The following RNF216 variants were observed in gnomAD, a reference collection of about 807,000 sequenced individuals.
RNF216 encodes ring finger protein 216.
Under a neutral mutation model 110.8 loss-of-function variants are expected in RNF216, and 72 were observed. The ratio of observed to expected loss-of-function variants is 0.65; its 90% CI spans 0.54 to 0.79. The LOEUF (loss-of-function observed/expected upper bound fraction) is 0.79. Ranked by LOEUF, RNF216 falls within the 30% of genes least tolerant of loss-of-function variation. RNF216 has a pLI of 0.00. For synonymous variants in RNF216, 495 were observed against 407.5 expected (o/e 1.21, Z -2.59); for missense variants, 1,342 against 1,141.2 (o/e 1.18, Z -2.54).
At chr7:5,701,951 T>G (rs1791996325) in intron 13 of RNF216, among the ~76,000 whole-genome samples, 1 of 152,202 alleles carries the variant, frequency 6.6e-6, no homozygotes, top group Non-Finnish European at 1.5e-5. Flanking sequence ...GTGGAAACAC[T>G]AACCCAGGAA....
At chr7:5,771,044 G>C (rs1031793722) in intron 1 of RNF216, among the ~76,000 whole-genome samples, 1 of 152,166 alleles carries the variant, frequency 6.6e-6, no homozygotes, top group African/African-American at 2.4e-5. Context: ...TTGACCTTGT[G>C]ATTCGCCCAC....
chr7:5,705,838 C>T (rs552587734), intron 13 of RNF216, among the ~76,000 whole-genome samples: 2 of 150,782 alleles, frequency 1.3e-5, no homozygotes, highest in East Asian at 2.0e-4. Flanking sequence ...ACCTGGGAGG[C>T]GGAGGTTATG....
intron 3 of RNF216, among the ~76,000 whole-genome samples, chr7:5,749,923 G>A (rs570504417): frequency 6.6e-6 from 1 of 152,126 alleles, no homozygotes; most frequent in Admixed American, 6.5e-5. Flanking sequence ...TTCTTTTAAT[G>A]TTTTGTTTTC....
intron 1 of RNF216, among the ~76,000 whole-genome samples, chr7:5,774,851 G>C (rs1796689405): frequency 6.6e-6 from 1 of 151,926 alleles, no homozygotes; most frequent in Non-Finnish European, 1.5e-5. Flanking sequence ...ATCCCCTCCA[G>C]AGTTCAAGTG....
In RNF216 at chr7:5,624,522, G is replaced by T. The variant is rs1310366658; in HGVS notation, c.2383-397C>A. Among the ~76,000 whole-genome samples the T allele has an allele frequency of 6.6e-6, 1 of 152,246 alleles. No homozygotes were observed. The highest frequency in any genetic ancestry group is 1.9e-4 in the East Asian group (1 of 5,188). On this transcript the variant is annotated intron_variant, in intron 15 of 16. Coordinates refer to ENST00000389902, the MANE Select transcript of RNF216 (RefSeq NM_207111.4). This position sits in a 1 kb window ranked among gnomAD's most constrained non-coding sequence, Gnocchi z 4.4. ...CCCAAGTCCACAAGCGCTCGGCATGGCAGCCTGTCTGCAGAGCCTGGAAAA... is the reference window on the plus strand; with the variant it reads ...CCCAAGTCCACAAGCGCTCGGCATGTCAGCCTGTCTGCAGAGCCTGGAAAA...
At chr7:5,666,187 C>T (rs1314143857) in intron 13 of RNF216, among the ~76,000 whole-genome samples, 2 of 147,904 alleles carry the variant, frequency 1.4e-5, no homozygotes, top group South Asian at 2.1e-4. Context: ...AAAAAAAAAT[C>T]CGAAACCAGT....
At chr7:5,754,539 G>T (rs1304466332) in intron 2 of RNF216, among the ~76,000 whole-genome samples, 1 of 152,000 alleles carries the variant, frequency 6.6e-6, no homozygotes, top group Non-Finnish European at 1.5e-5. Context: ...CGCTATGGGG[G>T]ATCATTCTGA....
chr7:5,683,274 G>C (rs1790772979), intron 13 of RNF216, among the ~76,000 whole-genome samples: 1 of 151,880 alleles, frequency 6.6e-6, no homozygotes, highest in South Asian at 2.1e-4. Flanking sequence ...AAAAAAAAGG[G>C]GAAACAAAAG....
rs925538404 is a variant in RNF216, at chr7:5,741,401, T to C, written c.616A>G (p.Thr206Ala). 1.2e-6 allele frequency: 2 copies of C among 1,614,190 alleles called. No homozygotes were observed. Among genetic ancestry groups the C allele is most frequent in the Non-Finnish European group, 1.7e-6 (2 of 1,179,994 alleles). ...TQNQSSEDSE[T>A]ELLSNLGESA... Reference sequence around the variant, plus strand: ...TCTCCTAGATTTGATAACAGCTCTGTCTCTGAGTCTTCGGATGACTGGTTC... The same window carrying C: ...TCTCCTAGATTTGATAACAGCTCTGCCTCTGAGTCTTCGGATGACTGGTTC... The change falls in exon 4 of 17, where the codon ACA becomes GCA. Residue 206 changes from threonine (T) to alanine (A), a missense_variant. Thr to Ala is a moderately conservative substitution (Grantham distance 58). Coordinates refer to ENST00000389902, the MANE Select transcript of RNF216 (RefSeq NM_207111.4).
intron 1 of RNF216, among the ~76,000 whole-genome samples, chr7:5,766,651 A>G (rs935206751): frequency 6.6e-6 from 1 of 152,208 alleles, no homozygotes; most frequent in African/African-American, 2.4e-5. Context: ...TGAGAAAATA[A>G]ATTTGTTTTA....
intron 9 of RNF216, 148 bp downstream of exon 9, chr7:5,720,885 G>C (rs764071175): frequency 1.3e-4 from 90 of 682,484 alleles, no homozygotes; most frequent in Non-Finnish European, 1.9e-4. Flanking sequence ...ACAAAATCCA[G>C]GTTTTTTCTT....
intron 15 of RNF216, among the ~76,000 whole-genome samples, chr7:5,635,038 A>G (rs1584348030): frequency 6.6e-6 from 1 of 152,144 alleles, no homozygotes; most frequent in East Asian, 1.9e-4. Flanking sequence ...TTGTGGCAGG[A>G]GCCAGACACT....
rs566597939 is a variant in RNF216 at position 5,763,689 on chromosome 7, G to T, written c.-69-2551C>A. 2.6e-5 allele frequency among the ~76,000 whole-genome samples: 4 copies of T among 152,198 alleles called. 1 individual carries two copies. In the South Asian group the frequency reaches 8.3e-4, roughly 32 times the overall value. On this transcript the variant is annotated intron_variant, in intron 1 of 16. Transcript: ENST00000389902. ...GGGCTCAAGCAATCCTCCTGCCTCA[G>T]CCTCAGAGTAGCTGGGACCACAGGC...
chr7:5,777,109 G>T (rs191401110), intron 1 of RNF216, among the ~76,000 whole-genome samples: 1 of 152,042 alleles, frequency 6.6e-6, no homozygotes, highest in Non-Finnish European at 1.5e-5. Context: ...ACACGTGGAG[G>T]GAAAGAGCCA....
At chr7:5,776,341 T>G (rs1303081770) in intron 1 of RNF216, among the ~76,000 whole-genome samples, 1 of 151,264 alleles carries the variant, frequency 6.6e-6, no homozygotes, top group Non-Finnish European at 1.5e-5. Flanking sequence ...CCCAGCACTT[T>G]GGGAGGCCAA....
intron 14 of RNF216, among the ~76,000 whole-genome samples, chr7:5,642,572 C>T (rs559655917): frequency 1.3e-5 from 2 of 151,748 alleles, no homozygotes; most frequent in East Asian, 3.9e-4. Context: ...GTTCACATGT[C>T]TCAGCTTCCC....
At chr7:5,690,492 G>C (rs1285927141) in intron 13 of RNF216, among the ~76,000 whole-genome samples, 1 of 152,136 alleles carries the variant, frequency 6.6e-6, no homozygotes, top group East Asian at 1.9e-4. Flanking sequence ...GCCACAGAAT[G>C]AAATTCTCCT....
intron 1 of RNF216, among the ~76,000 whole-genome samples, chr7:5,766,608 A>G (rs764781941): frequency 6.6e-6 from 1 of 151,998 alleles, no homozygotes; most frequent in Non-Finnish European, 1.5e-5. Flanking sequence ...CAATGCTGAA[A>G]CTCTATTCTC....
rs554091822 is a variant in RNF216, at chr7:5,651,626, G to A, written c.2159+787C>T. Among the ~76,000 whole-genome samples the A allele has an allele frequency of 9.9e-5, 15 of 151,786 alleles. 1 individual carries two copies. In the South Asian group the frequency reaches 3.1e-3, roughly 32 times the overall value. On this transcript the variant is annotated intron_variant, in intron 14 of 16. Transcript: ENST00000389902. ...TATGAGAGAAGAGAAAGAGATTTCA[G>A]TATTACTTCGGTCATTGCATTCTTT...
Sources: allele counts gnomAD v4.1 joint callset (sites outside exome capture counted in the v4.1 genomes callset), GRCh38; gene constraint gnomAD v4.1.1; non-coding constraint Gnocchi (gnomAD v3.1); transcripts MANE v1.5; gene names NCBI Gene and HGNC (gene_info 2026-07-23, HGNC 2026-07-21).